The following PLCXD3 variants were observed in gnomAD, a reference collection of about 807,000 sequenced individuals.
The protein encoded by PLCXD3 is PI-PLC X domain-containing protein 3.
A neutral mutation model predicts 25.5 loss-of-function variants in PLCXD3; 19 were observed. That is an observed-to-expected ratio of 0.75 (90% CI 0.52 to 1.09). The LOEUF (loss-of-function observed/expected upper bound fraction) is 1.09, where lower values mean the gene tolerates loss of function less well. Among genes scored for constraint, PLCXD3 ranks in the 50% least tolerant of loss-of-function variants. PLCXD3 has a pLI of 0.00. For missense variants in PLCXD3, 411 were observed against 388.1 expected, an observed-to-expected ratio of 1.06 and a Z score of -0.50; for synonymous variants, 174 against 137.6, an observed-to-expected ratio of 1.26 and a Z score of -1.85.
chr5:41,322,253 A>G (rs1202258597), intron 2 of PLCXD3, among the ~76,000 whole-genome samples: 1 of 152,250 alleles, frequency 6.6e-6, no homozygotes, highest in Non-Finnish European at 1.5e-5. Flanking sequence ...TAATTAATTA[A>G]AAGATGGGCA....
At chr5:41,338,623 C>T (rs1744049739) in intron 2 of PLCXD3, among the ~76,000 whole-genome samples, 1 of 152,082 alleles carries the variant, frequency 6.6e-6, no homozygotes, top group Admixed American at 6.6e-5. Context: ...TAGCCTCCCT[C>T]CTACTATTAC....
chr5:41,414,217 A>AT (rs11367879), intron 1 of PLCXD3, among the ~76,000 whole-genome samples: 29 of 150,292 alleles, frequency 1.9e-4, no homozygotes, highest in South Asian at 8.4e-4. Flanking sequence ...GGGAGTAGGC[A>AT]TTTTTTTTTT....
At chr5:41,379,617 T>C (rs1336515937) in intron 2 of PLCXD3, among the ~76,000 whole-genome samples, 2 of 152,084 alleles carry the variant, frequency 1.3e-5, no homozygotes, top group Non-Finnish European at 2.9e-5. Flanking sequence ...ATAGATGTTG[T>C]CAGGGGCTGT....
rs1002924971 is a variant in PLCXD3 at position 41,313,373 on chromosome 5, CT to C, written c.*243del. The C allele has an allele frequency of 9.7e-3, 3,820 of 392,678 alleles. No individual in the cohort carries two copies. The highest frequency in any genetic ancestry group is 0.014 in the East Asian group (279 of 19,862). The allele number at this position is 392,678 out of a possible 1,614,324, so 24.3% of individuals were successfully genotyped here. ...AATTTTGAAAAACAAAGTTACTGGT[CT>C]TTTTTTTTTATTCCTAACACTAGAA... On this transcript the variant is annotated 3_prime_UTR_variant, in exon 3 of 3. Coordinates refer to ENST00000377801, the MANE Select transcript of PLCXD3 (RefSeq NM_001005473.3).
chr5:41,336,835 C>A (rs1743996656), intron 2 of PLCXD3, among the ~76,000 whole-genome samples: 1 of 152,140 alleles, frequency 6.6e-6, no homozygotes, highest in African/African-American at 2.4e-5. Context: ...TCTTCCTCTA[C>A]ATAGTTCTGT....
At chr5:41,496,869 T>C (rs988993920) in intron 1 of PLCXD3, among the ~76,000 whole-genome samples, 1 of 151,684 alleles carries the variant, frequency 6.6e-6, no homozygotes, top group African/African-American at 2.4e-5. Flanking sequence ...ATGTTAAAAA[T>C]AACTTATAGC....
At chr5:41,463,046 T>C (rs1747931029) in intron 1 of PLCXD3, among the ~76,000 whole-genome samples, 1 of 151,878 alleles carries the variant, frequency 6.6e-6, no homozygotes, top group Non-Finnish European at 1.5e-5. Context: ...AGTAGGAAAA[T>C]GAATGAAAAG....
intron 2 of PLCXD3, among the ~76,000 whole-genome samples, chr5:41,362,054 C>T (rs889362889): frequency 1.3e-5 from 2 of 152,122 alleles, no homozygotes; most frequent in African/African-American, 4.8e-5. Flanking sequence ...ATCCCTGAAG[C>T]TTTGGGGATT....
chr5:41,319,500 C>T (rs938785050), intron 2 of PLCXD3, among the ~76,000 whole-genome samples: 3 of 152,038 alleles, frequency 2.0e-5, no homozygotes, highest in Admixed American at 1.3e-4. Context: ...ACAGTACGCT[C>T]CTGAATGACC....
intron 1 of PLCXD3, among the ~76,000 whole-genome samples, chr5:41,471,513 C>T (rs555951042): frequency 1.3e-5 from 2 of 152,164 alleles, no homozygotes; most frequent in African/African-American, 4.8e-5. Context: ...GTGGTCAGAA[C>T]TTGATTTCTG....
intron 2 of PLCXD3, among the ~76,000 whole-genome samples, chr5:41,317,017 A>G (rs1190151834): frequency 6.6e-6 from 1 of 152,210 alleles, no homozygotes; most frequent in African/African-American, 2.4e-5. Flanking sequence ...ACCATACACA[A>G]TAGCCAGGGA....
At chr5:41,457,428 G>C (rs148120643) in intron 1 of PLCXD3, among the ~76,000 whole-genome samples, 1,800 of 152,008 alleles carry the variant, frequency 0.012, 40 homozygotes, top group African/African-American at 0.04. Flanking sequence ...GTCACTGAAA[G>C]AAACAGACTC....
intron 1 of PLCXD3, among the ~76,000 whole-genome samples, chr5:41,425,969 C>T (rs536257191): frequency 1.3e-5 from 2 of 152,180 alleles, no homozygotes; most frequent in South Asian, 2.1e-4. Flanking sequence ...GGGTAAATGC[C>T]GAGGAATGTG....
At chr5:41,357,196 G>A (rs1341903573) in intron 2 of PLCXD3, among the ~76,000 whole-genome samples, 1 of 152,168 alleles carries the variant, frequency 6.6e-6, no homozygotes, top group East Asian at 1.9e-4. Flanking sequence ...TAACCAGCTA[G>A]CCTGACCTTT....
chr5:41,493,233 C>A (rs909188861), intron 1 of PLCXD3, among the ~76,000 whole-genome samples: 1 of 152,204 alleles, frequency 6.6e-6, no homozygotes, highest in Non-Finnish European at 1.5e-5. Context: ...GCAGGGGTGG[C>A]TGCAGAACAG....
chr5:41,424,105 C>T (rs1273832553), intron 1 of PLCXD3, among the ~76,000 whole-genome samples: 1 of 152,328 alleles, frequency 6.6e-6, no homozygotes, highest in South Asian at 2.1e-4. Flanking sequence ...ACCAACATCT[C>T]TCCATTCCCC....
chr5:41,428,535 C>A (rs1163876349), intron 1 of PLCXD3, among the ~76,000 whole-genome samples: 1 of 151,894 alleles, frequency 6.6e-6, no homozygotes, highest in Non-Finnish European at 1.5e-5. Flanking sequence ...AGAAGAGAAG[C>A]CTCAGAAGAA....
intron 1 of PLCXD3, among the ~76,000 whole-genome samples, chr5:41,403,401 G>GTTTGTTTTTGTTTTTT (rs1554047951): frequency 5.4e-5 from 1 of 18,412 alleles, no homozygotes; most frequent in Non-Finnish European, 1.4e-4. Flanking sequence ...CTTATTTGTT[G>GTTTGTTTTTGTTTTTT]TTTTTTTTTT....
intron 1 of PLCXD3, among the ~76,000 whole-genome samples, chr5:41,456,046 G>T (rs890596088): frequency 1.2e-4 from 18 of 151,902 alleles, no homozygotes; most frequent in African/African-American, 4.4e-4. Flanking sequence ...AAAAATAGGG[G>T]TCAAAATTCT....
Sources: gnomAD v4.1 joint callset for allele counts (sites outside exome capture counted in the v4.1 genomes callset) on GRCh38, gnomAD v4.1.1 for gene constraint, MANE v1.5 for transcripts, NCBI Gene and HGNC (gene_info 2026-07-23, HGNC 2026-07-21) for gene names.